The following FYN variants were observed in gnomAD, a reference collection of about 807,000 sequenced individuals.
FYN encodes the protein FYN proto-oncogene, Src family tyrosine kinase.
A neutral mutation model predicts 70.2 loss-of-function variants in FYN; 10 were observed. The ratio of observed to expected loss-of-function variants is 0.14; its 90% CI spans 0.09 to 0.24. FYN has a LOEUF of 0.24. Ranked by LOEUF, FYN falls within the 10% of genes least tolerant of loss-of-function variation. FYN has a pLI of 1.00. For missense variants in FYN, 319 were observed against 673.1 expected, an observed-to-expected ratio of 0.47 and a Z score of 5.82; for synonymous variants, 236 against 248.6, an observed-to-expected ratio of 0.95 and a Z score of 0.48.
At chr6:111,789,592 T>A (rs1296773773) in intron 2 of FYN, among the ~76,000 whole-genome samples, 2 of 152,218 alleles carry the variant, frequency 1.3e-5, no homozygotes, top group African/African-American at 4.8e-5. Context: ...TCTGCTTCTA[T>A]GAGACTCATG....
At chr6:111,722,342 A>G (rs1219870532) in intron 3 of FYN, among the ~76,000 whole-genome samples, 3 of 152,188 alleles carry the variant, frequency 2.0e-5, no homozygotes, top group Non-Finnish European at 4.4e-5. Flanking sequence ...AATGGATATG[A>G]TTTTAACAAG....
intron 3 of FYN, among the ~76,000 whole-genome samples, chr6:111,773,245 A>C (rs1803519549): frequency 7.1e-6 from 1 of 141,198 alleles, no homozygotes; most frequent in African/African-American, 2.6e-5. Flanking sequence ...CCAACCAGCA[A>C]GTTTGAAATT....
Position 111,807,571 on chromosome 6 carries a change from G to A in FYN, c.-81-26936C>T, listed in dbSNP as rs150157235. ...ACACATGGCACAAAAAGCAGGGATC[G>A]AGTGCCCTTTATCTAGTCACCTGTT... On this transcript the variant is annotated intron_variant, in intron 2 of 13. Transcript: ENST00000354650. Among the ~76,000 whole-genome samples the A allele has an allele frequency of 5.8e-3, 886 of 152,212 alleles. 8 individuals carry two copies. Among genetic ancestry groups the A allele is most frequent in the African/African-American group, 0.02 (848 of 41,540 alleles).
At chr6:111,731,212 G>A (rs1355427628) in intron 3 of FYN, among the ~76,000 whole-genome samples, 3 of 152,148 alleles carry the variant, frequency 2.0e-5, no homozygotes, top group Non-Finnish European at 4.4e-5. Flanking sequence ...CTGCAAATGT[G>A]GCCTCATCCT....
At chr6:111,709,950 C>A (rs1451411283) in intron 5 of FYN, among the ~76,000 whole-genome samples, 1 of 152,158 alleles carries the variant, frequency 6.6e-6, no homozygotes, top group African/African-American at 2.4e-5. Context: ...CATCTAAGAA[C>A]ATATGTGGAA....
chr6:111,848,310 T>C (rs938271943), intron 1 of FYN, among the ~76,000 whole-genome samples: 5 of 152,188 alleles, frequency 3.3e-5, no homozygotes, highest in African/African-American at 1.2e-4. Context: ...ATTTCCAAAG[T>C]AGGGAAGAAA....
chr6:111,854,356 A>G (rs1773766193), intron 1 of FYN, among the ~76,000 whole-genome samples: 1 of 152,172 alleles, frequency 6.6e-6, no homozygotes, highest in Admixed American at 6.5e-5. Flanking sequence ...TCACCATAAA[A>G]CAAAGAGTAC....
intron 3 of FYN, among the ~76,000 whole-genome samples, chr6:111,768,579 T>TCCCTC (rs751056681): frequency 3.2e-4 from 48 of 152,346 alleles, no homozygotes; most frequent in Non-Finnish European, 6.0e-4. Context: ...TCCGAATGAA[T>TCCCTC]GGAGGGACAG....
At chr6:111,764,792 T>C (rs936081170) in intron 3 of FYN, among the ~76,000 whole-genome samples, 2 of 152,120 alleles carry the variant, frequency 1.3e-5, no homozygotes, top group African/African-American at 4.8e-5. Flanking sequence ...CCATGGACAA[T>C]GTTAAACAGA....
chr6:111,759,099 G>C (rs1802883924), intron 3 of FYN: 1 of 152,364 alleles, frequency 6.6e-6, no homozygotes, highest in African/African-American at 2.4e-5. Flanking sequence ...CCCTCTCTCA[G>C]CTCCTTGGCT....
At position 111,699,489 on chromosome 6, in the gene FYN, A is replaced by G. The variant is rs776838839; in HGVS notation, c.862+615T>C. The G allele has an allele frequency of 3.7e-6, 6 of 1,604,304 alleles. No homozygotes were observed. The Admixed American group carries it at 1.0e-4, about 27-fold the overall frequency. ...TTTTAATCGGCTTTGAGATGCAGCC[A>G]AAACAAAATGTGCCCTCTGCCTTAC... On this transcript the variant is annotated intron_variant, in intron 9 of 13. Coordinates refer to ENST00000354650, the MANE Select transcript of FYN (RefSeq NM_002037.5).
At chr6:111,670,754 G>C (rs1562461583) in intron 13 of FYN, among the ~76,000 whole-genome samples, 1 of 123,458 alleles carries the variant, frequency 8.1e-6, no homozygotes, top group African/African-American at 3.0e-5. Flanking sequence ...TGGCAACAAT[G>C]ATAGAATGGT....
chr6:111,773,952 C>T (rs903267016), intron 3 of FYN, among the ~76,000 whole-genome samples: 3 of 152,190 alleles, frequency 2.0e-5, no homozygotes, highest in Non-Finnish European at 4.4e-5. Flanking sequence ...ATAGGTATGA[C>T]GTTTAAGATA....
intron 2 of FYN, among the ~76,000 whole-genome samples, chr6:111,789,009 T>C (rs1771505801): frequency 6.6e-6 from 1 of 152,084 alleles, no homozygotes; most frequent in South Asian, 2.1e-4. Context: ...TGTTGTTTTA[T>C]TATTTGCTTG....
chr6:111,699,087 C>T (rs896489550), intron 9 of FYN, among the ~76,000 whole-genome samples: 1 of 152,044 alleles, frequency 6.6e-6, no homozygotes, highest in Non-Finnish European at 1.5e-5. Flanking sequence ...GTCTCAACAA[C>T]AACAAAAAGG....
At chr6:111,793,567 T>C (rs920180445) in intron 2 of FYN, 5 of 152,202 alleles carry the variant, frequency 3.3e-5, no homozygotes, top group African/African-American at 1.2e-4. Context: ...GCACTGTCAC[T>C]CTGGATAAAT....
At chr6:111,748,819 T>G (rs1357823597) in intron 3 of FYN, among the ~76,000 whole-genome samples, 1 of 152,264 alleles carries the variant, frequency 6.6e-6, no homozygotes, top group Non-Finnish European at 1.5e-5. Flanking sequence ...CATGTGTTTC[T>G]TTTTGCTTTT....
At chr6:111,700,623 G>A (rs1799790175) in intron 8 of FYN, among the ~76,000 whole-genome samples, 2 of 152,182 alleles carry the variant, frequency 1.3e-5, no homozygotes, top group African/African-American at 4.8e-5. Flanking sequence ...ACTCACTGAG[G>A]AAGAAAAACG....
chr6:111,822,580 G>GT lies in FYN; in HGVS notation c.-82+24008dup, dbSNP rs1254843479. On this transcript the variant is annotated intron_variant, in intron 2 of 13. Transcript: ENST00000354650. ...ACCAACATGGCACATGTATACATATGTAACAAACCTGCACGTTGTGCACAT... is the reference window on the plus strand; with the variant it reads ...ACCAACATGGCACATGTATACATATGTTAACAAACCTGCACGTTGTGCACAT... Among the ~76,000 whole-genome samples the GT allele has an allele frequency of 1.9e-4, 29 of 151,534 alleles. No homozygotes were observed. The South Asian group carries it at 5.6e-3, about 29-fold the overall frequency.
Sources: allele counts gnomAD v4.1 joint callset (sites outside exome capture counted in the v4.1 genomes callset), GRCh38; gene constraint gnomAD v4.1.1; transcripts MANE v1.5; gene names NCBI Gene and HGNC (gene_info 2026-07-23, HGNC 2026-07-21).